Variants in TYW3 observed in about 807,000 individuals in gnomAD.
TYW3 encodes tRNA wybutosine-synthesizing protein 3 homolog.
A neutral mutation model predicts 23.1 loss-of-function variants in TYW3; 26 were observed. The observed-to-expected ratio is 1.13, with a 90% confidence interval of 0.83 to 1.56. The LOEUF is 1.56. TYW3 is among the 40% of genes most tolerant of loss of function. The pLI is 0.00. For missense variants in TYW3, 316 were observed against 311.9 expected, an observed-to-expected ratio of 1.01 and a Z score of -0.10; for synonymous variants, 102 against 105.7, an observed-to-expected ratio of 0.97 and a Z score of 0.21.
Position 74,765,128 on chromosome 1 carries a change from TC to T in TYW3, c.*1017del, listed in dbSNP as rs1649257611. ...GAATCTTTATTTTTCACACAACTCA[TC>T]CAAGTGGTTCTGATAAAATCAGTCC... On this transcript the variant is annotated 3_prime_UTR_variant, in exon 6 of 6. Transcript: ENST00000370867. The T allele has an allele frequency of 6.6e-6, 1 of 152,090 alleles. No individual in the cohort carries two copies. Among genetic ancestry groups the T allele is most frequent in the Admixed American group, 6.6e-5 (1 of 15,260 alleles). The allele number at this position is 152,090 out of a possible 1,614,324, so 9.4% of individuals were successfully genotyped here.
chr1:74,751,617 C>A (rs1327250814), intron 4 of TYW3, among the ~76,000 whole-genome samples: 1 of 151,926 alleles, frequency 6.6e-6, no homozygotes, highest in Non-Finnish European at 1.5e-5. Flanking sequence ...TTGCTGTGAG[C>A]CGAGATTGCA....
intron 3 of TYW3, among the ~76,000 whole-genome samples, chr1:74,746,781 CAGTG>C (rs1447320680): frequency 6.6e-6 from 1 of 152,138 alleles, no homozygotes; most frequent in Non-Finnish European, 1.5e-5. Flanking sequence ...TCGAAGGTTG[CAGTG>C]AGCCGAGATT....
chr1:74,754,623 T>C (rs1648894609), intron 5 of TYW3, among the ~76,000 whole-genome samples: 1 of 151,944 alleles, frequency 6.6e-6, no homozygotes. Context: ...ATTCAGAGAA[T>C]TTCAAAAACA....
intron 5 of TYW3, among the ~76,000 whole-genome samples, chr1:74,756,515 G>A (rs755588964): frequency 3.9e-5 from 6 of 152,176 alleles, no homozygotes; most frequent in East Asian, 1.9e-4. Context: ...GTGGAACTTT[G>A]ATGTTGAGAG....
chr1:74,761,143 G>C lies in TYW3; in HGVS notation c.561-2751G>C, dbSNP rs559285223. Among the ~76,000 whole-genome samples the C allele has an allele frequency of 2.0e-5, 3 of 151,956 alleles. No individual in the cohort carries two copies. In the South Asian group the frequency reaches 6.2e-4, roughly 31 times the overall value. On this transcript the variant is annotated intron_variant, in intron 5 of 5. Coordinates refer to ENST00000370867, the MANE Select transcript of TYW3 (RefSeq NM_138467.3). ...AGAAAATTGCACTTTTGAAAATCAGGCTTAAGTGTTACTGTATAAGGGGAG... is the reference window on the plus strand; with the variant it reads ...AGAAAATTGCACTTTTGAAAATCAGCCTTAAGTGTTACTGTATAAGGGGAG...
chr1:74,755,644 A>G (rs560736619), intron 5 of TYW3, among the ~76,000 whole-genome samples: 14 of 152,312 alleles, frequency 9.2e-5, no homozygotes, highest in African/African-American at 3.1e-4. Context: ...TCATTGTACA[A>G]GTATCTGAGT....
intron 1 of TYW3, among the ~76,000 whole-genome samples, chr1:74,734,707 C>G (rs981047188): frequency 2.0e-5 from 3 of 152,128 alleles, no homozygotes; most frequent in Non-Finnish European, 4.4e-5. Context: ...GCTATGTGAC[C>G]TTAGGAAAGC....
rs111464854 is a variant in TYW3 at position 74,757,114 on chromosome 1, G to A, written c.560+4689G>A. Among the ~76,000 whole-genome samples, 302 of 152,332 alleles carry A rather than the reference G, an allele frequency of 2.0e-3. 2 individuals carry two copies. Among genetic ancestry groups the A allele is most frequent in the African/African-American group, 6.9e-3 (288 of 41,580 alleles). On this transcript the variant is annotated intron_variant, in intron 5 of 5. Coordinates refer to ENST00000370867, the MANE Select transcript of TYW3 (RefSeq NM_138467.3). ...CCAGATGGAAGTTTAGTGCAGAGGCGGGGCCCTCATGGAGAACCTCTGCTA... is the reference window on the plus strand; with the variant it reads ...CCAGATGGAAGTTTAGTGCAGAGGCAGGGCCCTCATGGAGAACCTCTGCTA...
At chr1:74,755,268 G>A (rs534774882) in intron 5 of TYW3, among the ~76,000 whole-genome samples, 2 of 152,108 alleles carry the variant, frequency 1.3e-5, no homozygotes, top group East Asian at 1.9e-4. Context: ...TGCAACTGTC[G>A]CCACTGTCCA....
intron 5 of TYW3, among the ~76,000 whole-genome samples, chr1:74,759,413 T>C (rs577450764): frequency 2.0e-4 from 30 of 151,640 alleles, no homozygotes; most frequent in Non-Finnish European, 3.7e-4. Flanking sequence ...TCTTTCTATG[T>C]TGCCCAGGTT....
intron 4 of TYW3, among the ~76,000 whole-genome samples, chr1:74,749,826 C>T (rs1044817317): frequency 5.9e-5 from 9 of 151,994 alleles, no homozygotes; most frequent in African/African-American, 1.9e-4. Flanking sequence ...CGTGGTGGTG[C>T]GTAGCTGTGG....
At chr1:74,750,725 C>T (rs927384736) in intron 4 of TYW3, among the ~76,000 whole-genome samples, 2 of 149,872 alleles carry the variant, frequency 1.3e-5, no homozygotes, top group South Asian at 4.2e-4. Flanking sequence ...GTATCATGCT[C>T]TTTTATGTCT....
chr1:74,740,267 A>G (rs1648306064), intron 3 of TYW3, among the ~76,000 whole-genome samples: 1 of 151,934 alleles, frequency 6.6e-6, no homozygotes, highest in South Asian at 2.1e-4. Context: ...TAAAGGTGGC[A>G]TGTCCAGAGT....
chr1:74,744,668 T>C (rs1411515102), intron 3 of TYW3, among the ~76,000 whole-genome samples: 1 of 152,218 alleles, frequency 6.6e-6, no homozygotes, highest in African/African-American at 2.4e-5. Flanking sequence ...AAAATGTGTC[T>C]AGAATTGGTT....
chr1:74,761,860 C>T (rs1649145400), intron 5 of TYW3: 1 of 151,962 alleles, frequency 6.6e-6, no homozygotes, highest in Non-Finnish European at 1.5e-5. Context: ...TCTCTCAGCT[C>T]TGTGGTAGCA....
Position 74,736,502 on chromosome 1 carries a change from ATAT to A in TYW3, c.175-36_175-34del, listed in dbSNP as rs1326721817. On this transcript the variant is annotated intron_variant, in intron 1 of 5. Transcript: ENST00000370867. The stretch of plus-strand genomic sequence containing the variant: ...GCATTATGCTTATTATTTTTGTAAA[ATAT>A]TATATGAAACTTAAATTATGTTATT... 14 of 1,457,040 alleles carry A rather than the reference ATAT, an allele frequency of 9.6e-6. 1 individual carries two copies. In the East Asian group the frequency reaches 2.5e-4, roughly 26 times the overall value. 90.3% of individuals were successfully genotyped at this position (1,457,040 alleles called of 1,614,324 possible).
At chr1:74,749,898 G>T (rs1467272606) in intron 4 of TYW3, among the ~76,000 whole-genome samples, 1 of 152,140 alleles carries the variant, frequency 6.6e-6, no homozygotes, top group East Asian at 1.9e-4. Context: ...GGAAGTTGCA[G>T]TTAGCAGAGA....
At chr1:74,759,374 CTTT>C (rs573044759) in intron 5 of TYW3, among the ~76,000 whole-genome samples, 3 of 135,126 alleles carry the variant, frequency 2.2e-5, no homozygotes, top group Admixed American at 7.4e-5. Context: ...CTTTTCTTTT[CTTT>C]TTTTTTTTTT....
chr1:74,752,237 T>C (rs1292289632), intron 4 of TYW3, 55 bp from the exon 5 acceptor site: 2 of 1,527,224 alleles, frequency 1.3e-6, no homozygotes, highest in South Asian at 1.3e-5. Context: ...TCTTGAGTTA[T>C]TTTCAGTTTC....
Sources: allele counts gnomAD v4.1 joint callset (sites outside exome capture counted in the v4.1 genomes callset), GRCh38; gene constraint gnomAD v4.1.1; transcripts MANE v1.5; gene names NCBI Gene and HGNC (gene_info 2026-07-23, HGNC 2026-07-21).